ADAMTS12: variants seen among roughly 807,000 people sequenced by gnomAD.
The protein encoded by ADAMTS12 is ADAM metallopeptidase with thrombospondin type 1 motif 12.
ADAMTS12 carries 118 observed loss-of-function variants against 167.8 expected under a neutral mutation model. The observed-to-expected ratio is 0.70, with a 90% CI of 0.61 to 0.82. The LOEUF (loss-of-function observed/expected upper bound fraction) is 0.82, where lower values mean the gene tolerates loss of function less well. Among genes scored for constraint, ADAMTS12 ranks in the 40% least tolerant of loss-of-function variants. The probability of loss-of-function intolerance (pLI) is 0.00; values close to 1 mark genes in which losing one functional copy is unlikely to be tolerated. For synonymous variants in ADAMTS12, 704 were observed against 716.9 expected, an observed-to-expected ratio of 0.98 and a Z score of 0.29; for missense variants, 1,916 against 1,998.8, an observed-to-expected ratio of 0.96 and a Z score of 0.79.
chr5:33,745,751 A>G (rs937405675), intron 3 of ADAMTS12, among the ~76,000 whole-genome samples: 5 of 152,206 alleles, frequency 3.3e-5, no homozygotes, highest in African/African-American at 1.2e-4. Flanking sequence ...AGGCTTTAAA[A>G]AAAAACTGAG....
intron 3 of ADAMTS12, among the ~76,000 whole-genome samples, chr5:33,739,188 C>A (rs1744476288): frequency 6.6e-6 from 1 of 152,148 alleles, no homozygotes; most frequent in Non-Finnish European, 1.5e-5. Flanking sequence ...CATCCTGGAG[C>A]TGACAGTGTG....
intron 2 of ADAMTS12, among the ~76,000 whole-genome samples, chr5:33,758,977 T>C (rs1392797909): frequency 6.6e-6 from 1 of 152,120 alleles, no homozygotes; most frequent in Non-Finnish European, 1.5e-5. Context: ...ACAAAACAGA[T>C]CAGATGATAC....
At chr5:33,590,042 T>C (rs759495213) in intron 17 of ADAMTS12, among the ~76,000 whole-genome samples, 1 of 152,220 alleles carries the variant, frequency 6.6e-6, no homozygotes, top group African/African-American at 2.4e-5. Context: ...CTAATAATAT[T>C]GGAACAGTAT....
chr5:33,800,529 G>C (rs1374023), intron 2 of ADAMTS12, among the ~76,000 whole-genome samples: 95,823 of 152,034 alleles, frequency 0.63, 31,150 homozygotes, highest in African/African-American at 0.79. Context: ...TTATTTCTAC[G>C]ACAATTCTCA....
chr5:33,588,952 G>A (rs1747504797), intron 17 of ADAMTS12, 143 bp from the exon 18 acceptor site: 5 of 961,974 alleles, frequency 5.2e-6, no homozygotes, highest in Admixed American at 2.6e-5. Context: ...GGGGCGTGCT[G>A]CAGACAGGGC....
intron 17 of ADAMTS12, among the ~76,000 whole-genome samples, chr5:33,595,106 T>C (rs1747850731): frequency 6.6e-6 from 1 of 152,114 alleles, no homozygotes; most frequent in Admixed American, 6.5e-5. Context: ...TCTCCCTTTT[T>C]CCCTCCCTCT....
intron 2 of ADAMTS12, 176 bp downstream of exon 2, chr5:33,880,943 G>T: frequency 1.1e-6 from 1 of 881,666 alleles, no homozygotes; most frequent in South Asian, 2.0e-5. Context: ...CTCTCAAGTC[G>T]ATCTCTTTTA....
intron 2 of ADAMTS12, among the ~76,000 whole-genome samples, chr5:33,799,463 A>T (rs1746910295): frequency 6.6e-6 from 1 of 151,904 alleles, no homozygotes; most frequent in African/African-American, 2.4e-5. Flanking sequence ...CCCACTTCAG[A>T]CTCTGCAACT....
At chr5:33,821,631 A>ACTCGT (rs1747872579) in intron 2 of ADAMTS12, among the ~76,000 whole-genome samples, 1 of 152,156 alleles carries the variant, frequency 6.6e-6, no homozygotes, top group African/African-American at 2.4e-5. Context: ...CTCTCTAAGT[A>ACTCGT]CTCGTTGTTA....
intron 3 of ADAMTS12, among the ~76,000 whole-genome samples, chr5:33,733,042 C>CATAATATAATATAT (rs1744246238): frequency 1.3e-5 from 2 of 151,130 alleles, no homozygotes; most frequent in African/African-American, 4.9e-5. Flanking sequence ...TATTTTTATC[C>CATAATATAATATAT]AATATAACAC....
At chr5:33,734,593 A>G (rs1744304411) in intron 3 of ADAMTS12, among the ~76,000 whole-genome samples, 1 of 152,358 alleles carries the variant, frequency 6.6e-6, no homozygotes, top group South Asian at 2.1e-4. Context: ...ACAAAGACCC[A>G]GTCCCCTGAG....
At chr5:33,624,890 T>C (rs562341830) in intron 13 of ADAMTS12, among the ~76,000 whole-genome samples, 1 of 152,356 alleles carries the variant, frequency 6.6e-6, no homozygotes, top group East Asian at 1.9e-4. Flanking sequence ...TCTTTCTTGT[T>C]TGGGAACAAT....
At chr5:33,577,242 G>C (rs971117167) in intron 18 of ADAMTS12, 82 bp from the exon 19 acceptor site, 185 of 1,588,772 alleles carry the variant, frequency 1.2e-4, no homozygotes, top group African/African-American at 1.3e-5. Context: ...ATCAAAACAG[G>C]CCTGATGGAA....
At chr5:33,877,342 T>C (rs191348975) in intron 2 of ADAMTS12, among the ~76,000 whole-genome samples, 4 of 152,334 alleles carry the variant, frequency 2.6e-5, no homozygotes, top group Admixed American at 2.6e-4. Context: ...CCCAATCCTG[T>C]CTTCTGCACG....
intron 2 of ADAMTS12, among the ~76,000 whole-genome samples, chr5:33,876,299 T>G (rs934205673): frequency 6.6e-6 from 1 of 152,150 alleles, no homozygotes; most frequent in East Asian, 1.9e-4. Flanking sequence ...ATTGTAAAAT[T>G]TATATGGAAG....
At chr5:33,574,967 T>C (rs1746611541) in intron 19 of ADAMTS12, among the ~76,000 whole-genome samples, 2 of 152,196 alleles carry the variant, frequency 1.3e-5, no homozygotes, top group Non-Finnish European at 2.9e-5. Flanking sequence ...TATTAACAAG[T>C]TTGTATACTG....
intron 14 of ADAMTS12, among the ~76,000 whole-genome samples, chr5:33,619,917 T>C (rs1371080385): frequency 6.6e-6 from 1 of 152,174 alleles, no homozygotes; most frequent in Non-Finnish European, 1.5e-5. Context: ...ATGGTCTCGA[T>C]CTCTTGACCT....
At chr5:33,553,760 G>A (rs1745367907) in intron 20 of ADAMTS12, among the ~76,000 whole-genome samples, 1 of 152,072 alleles carries the variant, frequency 6.6e-6, no homozygotes. Context: ...AATAACTAAT[G>A]GGCACTAGGC....
intron 2 of ADAMTS12, among the ~76,000 whole-genome samples, chr5:33,828,151 C>T (rs1163700346): frequency 6.6e-6 from 1 of 152,186 alleles, no homozygotes; most frequent in Non-Finnish European, 1.5e-5. Context: ...ACTCCCCTGG[C>T]AGTGCAAGAG....
Sources: allele counts gnomAD v4.1 joint callset (sites outside exome capture counted in the v4.1 genomes callset), GRCh38; gene constraint gnomAD v4.1.1; transcripts MANE v1.5; gene names NCBI Gene and HGNC (gene_info 2026-07-23, HGNC 2026-07-21).